MYO1D: variants seen among roughly 807,000 people sequenced by gnomAD.
The protein encoded by MYO1D is unconventional myosin-Id.
MYO1D carries 83 observed loss-of-function variants against 122.0 expected under a neutral mutation model. The observed-to-expected ratio is 0.68, with a 90% CI of 0.57 to 0.82. The LOEUF (loss-of-function observed/expected upper bound fraction) is 0.82, where lower values mean the gene tolerates loss of function less well. MYO1D is among the 40% of genes least tolerant of loss of function. MYO1D has a pLI of 0.00. For synonymous variants in MYO1D, 464 were observed against 446.9 expected, an observed-to-expected ratio of 1.04 and a Z score of -0.48; for missense variants, 1,157 against 1,269.5, an observed-to-expected ratio of 0.91 and a Z score of 1.35.
intron 20 of MYO1D, among the ~76,000 whole-genome samples, chr17:32,622,264 G>GT (rs1281824177): frequency 1.3e-5 from 2 of 152,030 alleles, no homozygotes; most frequent in African/African-American, 4.8e-5. Flanking sequence ...CCTTGCTTGA[G>GT]TACAGGTCCT....
intron 1 of MYO1D, among the ~76,000 whole-genome samples, chr17:32,866,477 G>A (rs1031951772): frequency 6.6e-6 from 1 of 152,098 alleles, no homozygotes; most frequent in Non-Finnish European, 1.5e-5. Context: ...CAGGTCTGCC[G>A]TATCCCTGAA....
rs538686866 is a variant in MYO1D, at chr17:32,679,769, T to G, written c.2122-20431A>C. On this transcript the variant is annotated intron_variant, in intron 16 of 21. Transcript: ENST00000318217. ...GTCTTTTTTGGTTCCATATGAACTTTAAAGTAGTTTTTTCCAATTCTGTGA... is the reference window on the plus strand; with the variant it reads ...GTCTTTTTTGGTTCCATATGAACTTGAAAGTAGTTTTTTCCAATTCTGTGA... 3.0e-4 allele frequency among the ~76,000 whole-genome samples: 45 copies of G among 152,082 alleles called. 2 individuals carry two copies. The highest frequency in any genetic ancestry group is 8.5e-4 in the African/African-American group (35 of 41,362).
chr17:32,849,793 C>T (rs1395368773), intron 1 of MYO1D, among the ~76,000 whole-genome samples: 1 of 123,414 alleles, frequency 8.1e-6, no homozygotes, highest in Non-Finnish European at 1.7e-5. Flanking sequence ...TGCACATGTA[C>T]CCTAAAACTT....
rs546022963 is a variant in MYO1D, at chr17:32,601,404, A to G, written c.2864+3683T>C. ...AGATGAGGGAATAGATGGTCAGTGG[A>G]GCAGTCAGAACGCACACGACATTGA... is the stretch of plus-strand genomic sequence containing the variant. On this transcript the variant is annotated intron_variant, in intron 21 of 21. Transcript: ENST00000318217. 3.7e-3 allele frequency among the ~76,000 whole-genome samples: 564 copies of G among 152,262 alleles called. 5 individuals carry two copies. Among genetic ancestry groups the G allele is most frequent in the Non-Finnish European group, 5.6e-3 (380 of 68,012 alleles).
In MYO1D at chr17:32,717,452, T is replaced by C. The variant is rs1041420750; in HGVS notation, c.1913+3571A>G. 1.3e-4 allele frequency among the ~76,000 whole-genome samples: 20 copies of C among 152,334 alleles called. No homozygotes were observed. In the East Asian group the frequency reaches 3.9e-3, roughly 29 times the overall value. On this transcript the variant is annotated intron_variant, in intron 15 of 21. Transcript: ENST00000318217. ...AAGTTTTACAGATTTCTTTGCTCAA[T>C]GTTGCTTTTTTGCATATATCCTGCC...
At chr17:32,681,675 G>C (rs1385373198) in intron 16 of MYO1D, among the ~76,000 whole-genome samples, 1 of 151,314 alleles carries the variant, frequency 6.6e-6, no homozygotes, top group Non-Finnish European at 1.5e-5. Context: ...TTCCAACTAT[G>C]TGGTCAATTT....
intron 21 of MYO1D, among the ~76,000 whole-genome samples, chr17:32,543,436 C>T (rs1392112799): frequency 4.0e-5 from 6 of 149,186 alleles, no homozygotes; most frequent in East Asian, 2.0e-4. Flanking sequence ...ATTAGTCGGG[C>T]GTGGTGGCGG....
chr17:32,653,726 A>G lies in MYO1D; in HGVS notation c.2595+117T>C. The G allele has an allele frequency of 3.8e-6, 3 of 795,318 alleles. No individual in the cohort carries two copies. In the South Asian group the frequency reaches 4.7e-5, roughly 13 times the overall value. 49.3% of individuals were successfully genotyped at this position (795,318 alleles called of 1,614,324 possible). A position where few individuals can be genotyped will look rare whatever the true frequency, so the allele number is the denominator to read the frequency against. On this transcript the variant is annotated intron_variant, in intron 19 of 21. Transcript: ENST00000318217. ...GCCTCAGCACAGACAGGTCTAGTGA[A>G]CTGATGATGAAGCTAGTTATGTACC...
intron 1 of MYO1D, among the ~76,000 whole-genome samples, chr17:32,868,053 T>C (rs1158865695): frequency 6.6e-6 from 1 of 152,120 alleles, no homozygotes; most frequent in African/African-American, 2.4e-5. Context: ...ATGAATATAT[T>C]TCATTTTCCA....
intron 1 of MYO1D, among the ~76,000 whole-genome samples, chr17:32,849,192 T>C (rs1471502820): frequency 6.6e-6 from 1 of 150,884 alleles, no homozygotes; most frequent in African/African-American, 2.5e-5. Context: ...TGTGGAGAAA[T>C]AGGAACACTT....
At chr17:32,563,204 C>CTTTT (rs749819200) in intron 21 of MYO1D, among the ~76,000 whole-genome samples, 1,478 of 104,756 alleles carry the variant, frequency 0.014, 40 homozygotes, top group South Asian at 0.02. Flanking sequence ...TTTTTCTTCT[C>CTTTT]TCTTTTTTTT....
At chr17:32,515,482 G>C (rs1909857671) in intron 21 of MYO1D, among the ~76,000 whole-genome samples, 1 of 152,084 alleles carries the variant, frequency 6.6e-6, no homozygotes. Context: ...TGTAGAGACA[G>C]GGTCTCGCTT....
At chr17:32,634,458 C>T (rs1298186524) in intron 20 of MYO1D, among the ~76,000 whole-genome samples, 7 of 152,036 alleles carry the variant, frequency 4.6e-5, no homozygotes, top group Non-Finnish European at 8.8e-5. Flanking sequence ...GGCTGGTGTG[C>T]CCATTAAAGT....
chr17:32,543,004 A>C (rs571499777), intron 21 of MYO1D, among the ~76,000 whole-genome samples: 10 of 152,164 alleles, frequency 6.6e-5, no homozygotes, highest in Non-Finnish European at 1.3e-4. Flanking sequence ...AGGCAGGTGG[A>C]TCACGAGGTC....
intron 14 of MYO1D, among the ~76,000 whole-genome samples, chr17:32,726,303 C>T (rs2089571844): frequency 6.6e-6 from 1 of 151,858 alleles, no homozygotes; most frequent in African/African-American, 2.4e-5. Flanking sequence ...ACCTGTAGTC[C>T]CAGCTACTTG....
intron 3 of MYO1D, among the ~76,000 whole-genome samples, chr17:32,776,346 T>C (rs1567636942): frequency 1.3e-5 from 2 of 152,194 alleles, no homozygotes; most frequent in Admixed American, 6.5e-5. Flanking sequence ...TGCAGGATCC[T>C]TGTGTGTGTA....
chr17:32,861,169 T>C (rs955452080), intron 1 of MYO1D, among the ~76,000 whole-genome samples: 3 of 135,680 alleles, frequency 2.2e-5, no homozygotes. Flanking sequence ...CCCAGGTTCA[T>C]GCCATTCTCC....
chr17:32,757,303 G>A (rs1246573435), intron 10 of MYO1D, among the ~76,000 whole-genome samples: 1 of 152,018 alleles, frequency 6.6e-6, no homozygotes, highest in African/African-American at 2.4e-5. Context: ...GGGGAATAGG[G>A]GGAATTTTGC....
chr17:32,547,810 C>A (rs563533861), intron 21 of MYO1D, among the ~76,000 whole-genome samples: 3 of 152,022 alleles, frequency 2.0e-5, no homozygotes, highest in South Asian at 2.1e-4. Context: ...ATTAGCCGGG[C>A]GTGGTGGTGC....
Sources: allele counts gnomAD v4.1 joint callset (sites outside exome capture counted in the v4.1 genomes callset), GRCh38; gene constraint gnomAD v4.1.1; transcripts MANE v1.5; gene names NCBI Gene and HGNC (gene_info 2026-07-23, HGNC 2026-07-21).